The following SRPK1 variants were observed in gnomAD, a reference collection of about 807,000 sequenced individuals.
SRPK1 encodes the protein SFRS protein kinase 1.
In SRPK1, 52 loss-of-function variants were observed where a neutral mutation model predicts 89.5. That is an observed-to-expected ratio of 0.58 (90% confidence interval 0.46 to 0.73). SRPK1 has a LOEUF of 0.73. Among genes scored for constraint, SRPK1 ranks in the 30% least tolerant of loss-of-function variants. The pLI is 0.00. For synonymous variants in SRPK1, 255 were observed against 270.2 expected (o/e 0.94, Z 0.55); for missense variants, 603 against 780.6 (o/e 0.77, Z 2.71).
chr6:35,855,481 C>T (rs1021095622), intron 13 of SRPK1, among the ~76,000 whole-genome samples: 12 of 152,158 alleles, frequency 7.9e-5, no homozygotes, highest in African/African-American at 4.8e-5. Context: ...CCCTCTTTCT[C>T]AAGTTTTTCC....
intron 6 of SRPK1, among the ~76,000 whole-genome samples, chr6:35,880,272 C>G (rs1215858987): frequency 6.6e-6 from 1 of 151,466 alleles, no homozygotes; most frequent in Non-Finnish European, 1.5e-5. Context: ...TTTGGGTAGG[C>G]AGAAGAAAGA....
intron 10 of SRPK1, 142 bp from the exon 11 acceptor site, chr6:35,870,043 C>T (rs1008461908): frequency 1.6e-5 from 17 of 1,064,360 alleles, no homozygotes; most frequent in South Asian, 1.8e-5. Flanking sequence ...AACCTATTTC[C>T]GGAAGGGCCA....
At chr6:35,869,450 G>A (rs1457674570) in intron 11 of SRPK1, 32 bp downstream of exon 11, 12 of 1,595,596 alleles carry the variant, frequency 7.5e-6, no homozygotes, top group Non-Finnish European at 9.4e-6. Context: ...GTGCAGGGAA[G>A]GAGTGTTGAG....
intron 6 of SRPK1, among the ~76,000 whole-genome samples, chr6:35,882,125 T>C (rs1412476867): frequency 8.6e-6 from 1 of 116,076 alleles, no homozygotes; most frequent in Admixed American, 8.1e-5. Context: ...GTACTAGTAG[T>C]AGTAGTAGTA....
intron 2 of SRPK1, among the ~76,000 whole-genome samples, chr6:35,907,201 A>G (rs1770865684): frequency 6.6e-6 from 1 of 152,200 alleles, no homozygotes; most frequent in South Asian, 2.1e-4. Context: ...ACAGAGTAAA[A>G]GACTAGAAAC....
intron 12 of SRPK1, among the ~76,000 whole-genome samples, chr6:35,858,644 T>A (rs148847021): frequency 1.3e-5 from 2 of 152,128 alleles, no homozygotes; most frequent in Non-Finnish European, 2.9e-5. Flanking sequence ...ATAAAGACTA[T>A]CAGATGTGCA....
Position 35,888,986 on chromosome 6 carries a change from C to T in SRPK1, c.194-63G>A, listed in dbSNP as rs562404958. ...GATGAGAAACAATGGTAAGAAAAGG[C>T]ATTTTTAACATCACATTTTTCAACA... On this transcript the variant is annotated intron_variant, in intron 3 of 15. Coordinates refer to ENST00000373825, the MANE Select transcript of SRPK1 (RefSeq NM_003137.5). 400 of 1,067,740 alleles carry T rather than the reference C, an allele frequency of 3.7e-4. 1 individual carries two copies. In the African/African-American group the frequency reaches 5.4e-3, roughly 15 times the overall value. 66.1% of individuals were successfully genotyped at this position (1,067,740 alleles called of 1,614,324 possible).
In SRPK1 at chr6:35,872,602, AT is replaced by A; in HGVS notation, c.711del (p.Glu237AspfsTer35). Reference sequence around the variant, plus strand: ...GGCGGAGGAGCTCCAGATCGCTGCCATTCTGTTGCTTCTGCAGCCAGCCTCC... The same window carrying A: ...GGCGGAGGAGCTCCAGATCGCTGCCATCTGTTGCTTCTGCAGCCAGCCTCC... ...YIRRLAAEAT[E>X]WQRSGAPPPS... On this transcript the variant is annotated frameshift_variant, in exon 8 of 16. Coordinates refer to ENST00000373825, the MANE Select transcript of SRPK1 (RefSeq NM_003137.5). LOFTEE classifies it high-confidence loss of function. 1 of 1,612,372 alleles carries A rather than the reference AT, an allele frequency of 6.2e-7. No individual in the cohort carries two copies.
chr6:35,874,788 T>C (rs1014376186), intron 6 of SRPK1, among the ~76,000 whole-genome samples: 5 of 152,198 alleles, frequency 3.3e-5, no homozygotes, highest in South Asian at 2.1e-4. Flanking sequence ...ATAGAAGAGA[T>C]GAATGTACAA....
At position 35,921,065 on chromosome 6, in the gene SRPK1, C is replaced by G. The variant is rs530372442; in HGVS notation, c.-9G>C. ...TCACCTTTCCGCTCCATGGTGAGAC[C>G]GGTAATCGCCAGGCGCCTGCGCACT... On this transcript the variant is annotated 5_prime_UTR_variant, in exon 1 of 16. Coordinates refer to ENST00000373825, the MANE Select transcript of SRPK1 (RefSeq NM_003137.5). 4 of 1,527,544 alleles carry G rather than the reference C, an allele frequency of 2.6e-6. No individual in the cohort carries two copies. The African/African-American group carries it at 5.7e-5, about 22-fold the overall frequency. 94.6% of individuals were successfully genotyped at this position (1,527,544 alleles called of 1,614,324 possible).
At chr6:35,906,935 ACTCT>A (rs1003867423) in intron 2 of SRPK1, among the ~76,000 whole-genome samples, 1 of 152,132 alleles carries the variant, frequency 6.6e-6, no homozygotes, top group African/African-American at 2.4e-5. Context: ...GGATCTGTCA[ACTCT>A]CTCTCTGGGT....
At chr6:35,894,968 T>C (rs370495121) in intron 2 of SRPK1, among the ~76,000 whole-genome samples, 35 of 152,090 alleles carry the variant, frequency 2.3e-4, no homozygotes, top group African/African-American at 6.7e-4. Flanking sequence ...AGCACAACTA[T>C]AGAGAAGGCC....
At chr6:35,916,493 T>C (rs926807143) in intron 2 of SRPK1, among the ~76,000 whole-genome samples, 16 of 152,162 alleles carry the variant, frequency 1.1e-4, no homozygotes, top group Non-Finnish European at 1.8e-4. Context: ...TCCTACTGAA[T>C]AAAAATGTTA....
chr6:35,888,065 A>C lies in SRPK1; in HGVS notation c.349T>G (p.Tyr117Asp). The stretch of plus-strand genomic sequence containing the variant: ...ATTTCATCTAGTGCTGTTTCAGTGT[A>C]ATGTTCAGCACTTTTAACTACTTTC... The part of the protein sequence containing the change: ...AMKVVKSAEH[Y>D]TETALDEIRL... Residue 117 changes from tyrosine (Y) to aspartate (D), a missense_variant, in exon 5 of 16, where the codon TAC becomes GAC. Coordinates refer to ENST00000373825, the MANE Select transcript of SRPK1 (RefSeq NM_003137.5). The C allele has an allele frequency of 6.2e-7, 1 of 1,607,986 alleles. No homozygotes were observed. Among genetic ancestry groups the C allele is most frequent in the Non-Finnish European group, 8.5e-7 (1 of 1,178,416 alleles).
chr6:35,880,723 A>C (rs1297727678), intron 6 of SRPK1, among the ~76,000 whole-genome samples: 12 of 64,698 alleles, frequency 1.9e-4, no homozygotes, highest in Non-Finnish European at 2.9e-4. Context: ...CCATCTCAAA[A>C]AAAAAAAAAA....
chr6:35,865,796 C>A (rs1186270901), intron 12 of SRPK1, among the ~76,000 whole-genome samples: 1 of 151,970 alleles, frequency 6.6e-6, no homozygotes, highest in African/African-American at 2.4e-5. Flanking sequence ...CAACCCAAGA[C>A]CAATTAAAGA....
At chr6:35,915,116 G>A (rs1771059071) in intron 2 of SRPK1, among the ~76,000 whole-genome samples, 1 of 152,182 alleles carries the variant, frequency 6.6e-6, no homozygotes. Flanking sequence ...AATCTTGCTG[G>A]AGGAAGGCCG....
rs144267526 is a variant in SRPK1 at position 35,860,915 on chromosome 6, G to C, written c.1513-3547C>G. Among the ~76,000 whole-genome samples the C allele has an allele frequency of 2.0e-3, 306 of 152,252 alleles. 2 individuals carry two copies. Among genetic ancestry groups the C allele is most frequent in the African/African-American group, 7.0e-3 (289 of 41,536 alleles). ...GGGTAAGAACTTAAAGAAATTGAAG[G>C]AGTTGTACGTGAAGAGGATTCCAAG... On this transcript the variant is annotated intron_variant, in intron 12 of 15. Transcript: ENST00000373825.
intron 3 of SRPK1, among the ~76,000 whole-genome samples, chr6:35,889,701 T>G (rs999217647): frequency 2.1e-5 from 3 of 144,814 alleles, no homozygotes; most frequent in African/African-American, 7.7e-5. Flanking sequence ...GGAGAATCGC[T>G]TGAACCCAGG....
Sources: gnomAD v4.1 joint callset for allele counts (sites outside exome capture counted in the v4.1 genomes callset) on GRCh38, gnomAD v4.1.1 for gene constraint, MANE v1.5 for transcripts, NCBI Gene and HGNC (gene_info 2026-07-23, HGNC 2026-07-21) for gene names.